PROS1: variants seen among roughly 807,000 people sequenced by gnomAD.
PROS1 encodes the protein vitamin K-dependent protein S.
PROS1 carries 29 observed loss-of-function variants against 75.9 expected under a neutral mutation model. That is an observed-to-expected ratio of 0.38 (90% CI 0.28 to 0.52). The LOEUF (loss-of-function observed/expected upper bound fraction) is 0.52. Ranked by LOEUF, PROS1 falls within the 20% of genes least tolerant of loss-of-function variation. PROS1 has a pLI of 0.83. For missense variants in PROS1, 680 were observed against 810.3 expected (o/e 0.84, Z 1.95); for synonymous variants, 245 against 280.6 (o/e 0.87, Z 1.27).
intron 1 of PROS1, among the ~76,000 whole-genome samples, chr3:93,943,945 G>T (rs1342179924): frequency 6.6e-6 from 1 of 152,028 alleles, no homozygotes; most frequent in Admixed American, 6.6e-5. Flanking sequence ...CTATAAAATG[G>T]CCCCACACCT....
chr3:93,933,865 T>C (rs1201340805), intron 1 of PROS1, among the ~76,000 whole-genome samples: 2 of 152,046 alleles, frequency 1.3e-5, no homozygotes, highest in South Asian at 4.1e-4. Context: ...AAAAATTAGC[T>C]GGGCACGGTG....
intron 1 of PROS1, among the ~76,000 whole-genome samples, chr3:93,953,521 T>A (rs1709541107): frequency 1.3e-5 from 2 of 152,196 alleles, no homozygotes; most frequent in Non-Finnish European, 2.9e-5. Context: ...TCAGCAAAAT[T>A]CAACAGCTCT....
At position 93,889,592 on chromosome 3, in the gene PROS1, C is replaced by T. The variant is rs539772964; in HGVS notation, c.1156-3089G>A. 3.9e-5 allele frequency among the ~76,000 whole-genome samples: 6 copies of T among 152,252 alleles called. No individual in the cohort carries two copies. In the East Asian group the frequency reaches 9.6e-4, roughly 24 times the overall value. ...ATCTGTGAGGTACTAAGCTCTAGAG[C>T]AAGGAAAATCTCTTGCTATTGTTGC... On this transcript the variant is annotated intron_variant, in intron 10 of 14. Transcript: ENST00000394236.
intron 1 of PROS1, among the ~76,000 whole-genome samples, chr3:93,930,226 C>G (rs935121609): frequency 6.6e-6 from 1 of 152,158 alleles, no homozygotes; most frequent in African/African-American, 2.4e-5. Context: ...AGATGGTACT[C>G]TGTGATCATG....
In PROS1 at chr3:93,952,815, A is replaced by C. The variant is rs150019057; in HGVS notation, c.76+20859T>G. ...GCTGGCTTTTTGAAAAGATCAACAA[A>C]ATTGTTAGACCACTAGTGAGACTAA... On this transcript the variant is annotated intron_variant, in intron 1 of 14. Transcript: ENST00000394236. Among the ~76,000 whole-genome samples, 956 of 152,316 alleles carry C rather than the reference A, an allele frequency of 6.3e-3. 13 individuals are homozygous for C. Among genetic ancestry groups the C allele is most frequent in the African/African-American group, 0.022 (922 of 41,568 alleles).
At chr3:93,943,913 T>G (rs1191597479) in intron 1 of PROS1, among the ~76,000 whole-genome samples, 1 of 152,186 alleles carries the variant, frequency 6.6e-6, no homozygotes, top group East Asian at 1.9e-4. Flanking sequence ...TTGACTGTAA[T>G]TTTCCACTAC....
chr3:93,973,555 G>T, intron 1 of PROS1, 119 bp downstream of exon 1: 1 of 1,027,258 alleles, frequency 9.7e-7, no homozygotes, highest in Non-Finnish European at 1.5e-6. Context: ...GTGTCTGTCG[G>T]TACTTACTGG....
chr3:93,970,605 A>T (rs1315556758), intron 1 of PROS1, among the ~76,000 whole-genome samples: 1 of 152,006 alleles, frequency 6.6e-6, no homozygotes, highest in Non-Finnish European at 1.5e-5. Context: ...AGCCTCCCAA[A>T]GTGCTGGGAT....
At chr3:93,906,882 G>A (rs969107384) in intron 4 of PROS1, among the ~76,000 whole-genome samples, 4 of 152,226 alleles carry the variant, frequency 2.6e-5, no homozygotes, top group Admixed American at 2.6e-4. Flanking sequence ...GCTCAGGGCA[G>A]CGCTAACATG....
chr3:93,914,374 C>T, intron 3 of PROS1, among the ~76,000 whole-genome samples: 1 of 152,234 alleles, frequency 6.6e-6, no homozygotes, highest in East Asian at 1.9e-4. Flanking sequence ...ATTTACACCA[C>T]ATGAATGCCA....
At chr3:93,894,204 A>G (rs866962125) in intron 9 of PROS1, among the ~76,000 whole-genome samples, 1 of 152,212 alleles carries the variant, frequency 6.6e-6, no homozygotes, top group Non-Finnish European at 1.5e-5. Flanking sequence ...TAATAGAGGC[A>G]CCATTTGCAA....
intron 1 of PROS1, among the ~76,000 whole-genome samples, chr3:93,960,532 C>CT (rs774875701): frequency 0.024 from 1,218 of 50,158 alleles, 335 homozygotes; most frequent in African/African-American, 0.05. Flanking sequence ...CTCCATTGCT[C>CT]TTTTTTTTTT....
chr3:93,919,032 A>G (rs1708905055), intron 3 of PROS1, among the ~76,000 whole-genome samples: 1 of 152,212 alleles, frequency 6.6e-6, no homozygotes. Context: ...CTAACCACTA[A>G]GTGTTACACC....
intron 3 of PROS1, among the ~76,000 whole-genome samples, chr3:93,919,415 C>A (rs1350018306): frequency 1.9e-5 from 2 of 105,130 alleles, no homozygotes; most frequent in Non-Finnish European, 4.8e-5. Context: ...TGAAAATTTT[C>A]CCTATTTTTT....
intron 10 of PROS1, among the ~76,000 whole-genome samples, chr3:93,888,790 A>T (rs564774747): frequency 7.2e-5 from 11 of 152,064 alleles, no homozygotes; most frequent in African/African-American, 2.4e-4. Context: ...CTCATTCTCC[A>T]CTTCTGGTTT....
At chr3:93,903,206 G>A (rs530856693) in intron 6 of PROS1, among the ~76,000 whole-genome samples, 3 of 152,092 alleles carry the variant, frequency 2.0e-5, no homozygotes, top group South Asian at 2.1e-4. Context: ...TGTTTTATAC[G>A]TTATTACTTA....
At chr3:93,904,661 G>A (rs1392533214) in intron 6 of PROS1, among the ~76,000 whole-genome samples, 1 of 151,636 alleles carries the variant, frequency 6.6e-6, no homozygotes, top group Non-Finnish European at 1.5e-5. Flanking sequence ...CTGGAGGAGA[G>A]AACTTGGATA....
At chr3:93,921,358 T>C (rs1318996220) in intron 3 of PROS1, among the ~76,000 whole-genome samples, 3 of 152,208 alleles carry the variant, frequency 2.0e-5, no homozygotes, top group East Asian at 3.8e-4. Context: ...TTAAAATGAG[T>C]TTACTAAATG....
chr3:93,883,119 C>G (rs986499449), intron 12 of PROS1, among the ~76,000 whole-genome samples: 1 of 152,138 alleles, frequency 6.6e-6, no homozygotes, highest in African/African-American at 2.4e-5. Context: ...CTGCCTAAGA[C>G]TGAATTTGTA....
Sources: allele counts gnomAD v4.1 joint callset (sites outside exome capture counted in the v4.1 genomes callset), GRCh38; gene constraint gnomAD v4.1.1; transcripts MANE v1.5; gene names NCBI Gene and HGNC (gene_info 2026-07-23, HGNC 2026-07-21).